Variants in CFAP20DC observed in about 807,000 individuals in gnomAD.
CFAP20DC encodes the protein protein CFAP20DC.
CFAP20DC carries 84 observed loss-of-function variants against 101.7 expected under a neutral mutation model. That is an observed-to-expected ratio of 0.83 (90% CI 0.69 to 0.99). The LOEUF (loss-of-function observed/expected upper bound fraction) is 0.99, where lower values mean the gene tolerates loss of function less well. Among genes scored for constraint, CFAP20DC ranks in the 50% least tolerant of loss-of-function variants. CFAP20DC has a pLI of 0.00. For synonymous variants in CFAP20DC, 359 were observed against 351.2 expected (o/e 1.02, Z -0.25); for missense variants, 1,007 against 970.3 (o/e 1.04, Z -0.50).
intron 5 of CFAP20DC, among the ~76,000 whole-genome samples, chr3:58,916,815 T>C (rs1338918468): frequency 1.3e-5 from 2 of 152,188 alleles, no homozygotes; most frequent in Non-Finnish European, 1.5e-5. Flanking sequence ...AAATAACTCA[T>C]TGTTCATATA....
chr3:58,730,509 C>T (rs1575517428), intron 3 of CFAP20DC, among the ~76,000 whole-genome samples: 1 of 152,222 alleles, frequency 6.6e-6, no homozygotes, highest in East Asian at 1.9e-4. Context: ...GGAGAAAAGG[C>T]ATCGCATTCT....
rs545507282 is a variant in CFAP20DC, at chr3:59,034,981, C to T, written c.278+4576G>A. On this transcript the variant is annotated intron_variant, in intron 4 of 16. Transcript: ENST00000482387. ...TCAGCAAATGCAAAAGAATGGAAAT[C>T]ATAACACAGTCTCTCAGACCACAGT... Among the ~76,000 whole-genome samples, 7 of 152,060 alleles carry T rather than the reference C, an allele frequency of 4.6e-5. No homozygotes were observed. The East Asian group carries it at 1.4e-3, about 29-fold the overall frequency.
At chr3:58,847,909 T>A (rs1390231645) in intron 13 of CFAP20DC, among the ~76,000 whole-genome samples, 3 of 118,376 alleles carry the variant, frequency 2.5e-5, no homozygotes, top group Non-Finnish European at 3.5e-5. Context: ...CAGTAAACTA[T>A]CGCAAGAACA....
chr3:58,742,534 G>C lies in CFAP20DC; in HGVS notation c.2371C>G (p.Leu791Val). The C allele has an allele frequency of 6.2e-7, 1 of 1,608,842 alleles. No homozygotes were observed. Among genetic ancestry groups the C allele is most frequent in the Non-Finnish European group, 8.5e-7 (1 of 1,177,560 alleles). ...AGACAAGGGTCATACAACAAAGTCA[G>C]TACTTCCTCGTCCTCTTCCACACTG... ...DLSVEEDEEV[L>V]TLLYDPCLNC... The change falls in exon 17 of 17, where the codon CTG (leucine) becomes GTG (valine). Residue 791 changes from leucine to valine, a missense_variant. Physicochemically the swap from Leu to Val is conservative, Grantham distance 32. Transcript: ENST00000482387.
intron 7 of CFAP20DC, among the ~76,000 whole-genome samples, chr3:58,880,813 G>A (rs2081177091): frequency 1.3e-5 from 2 of 151,996 alleles, no homozygotes; most frequent in African/African-American, 2.4e-5. Flanking sequence ...TGAAGATAGG[G>A]AAAAAGGATA....
chr3:58,762,740 C>T (rs2069771945), intron 15 of CFAP20DC, among the ~76,000 whole-genome samples: 1 of 152,170 alleles, frequency 6.6e-6, no homozygotes, highest in African/African-American at 2.4e-5. Flanking sequence ...CTGGTGGTGA[C>T]AAAATCTCTC....
chr3:59,042,982 C>T (rs1037046026), intron 3 of CFAP20DC, among the ~76,000 whole-genome samples: 2 of 152,116 alleles, frequency 1.3e-5, no homozygotes, highest in African/African-American at 4.8e-5. Context: ...AGAAATGGGG[C>T]AGCCTGCAGG....
chr3:58,836,608 A>G (rs1302389680), intron 13 of CFAP20DC, among the ~76,000 whole-genome samples: 1 of 152,074 alleles, frequency 6.6e-6, no homozygotes, highest in African/African-American at 2.4e-5. Flanking sequence ...GAAAACTGGG[A>G]TGTTACTTTT....
intron 5 of CFAP20DC, among the ~76,000 whole-genome samples, chr3:58,934,300 A>G (rs2087191852): frequency 6.6e-6 from 1 of 152,224 alleles, no homozygotes; most frequent in Non-Finnish European, 1.5e-5. Flanking sequence ...AACGAAAAAG[A>G]GTCCAGGACC....
At chr3:59,003,983 T>G (rs1057394088) in intron 4 of CFAP20DC, among the ~76,000 whole-genome samples, 2 of 152,208 alleles carry the variant, frequency 1.3e-5, no homozygotes, top group Non-Finnish European at 2.9e-5. Flanking sequence ...CATACCTACT[T>G]TTGGTGCCCT....
chr3:58,763,757 G>C (rs1045339168), intron 15 of CFAP20DC, among the ~76,000 whole-genome samples: 1 of 152,210 alleles, frequency 6.6e-6, no homozygotes, highest in African/African-American at 2.4e-5. Flanking sequence ...CCTTGTAACA[G>C]TCAGGACCCT....
At chr3:59,034,149 C>A (rs537715493) in intron 4 of CFAP20DC, among the ~76,000 whole-genome samples, 130 of 152,162 alleles carry the variant, frequency 8.5e-4, no homozygotes, top group African/African-American at 3.0e-3. Context: ...AAATGCTGAG[C>A]GATTTTGTCA....
chr3:58,800,192 C>T (rs1448754018), intron 15 of CFAP20DC, among the ~76,000 whole-genome samples: 1 of 152,184 alleles, frequency 6.6e-6, no homozygotes, highest in African/African-American at 2.4e-5. Flanking sequence ...GGCCTGTATA[C>T]CACTTGGTTG....
intron 5 of CFAP20DC, among the ~76,000 whole-genome samples, chr3:58,929,216 A>T (rs1464460749): frequency 6.6e-6 from 1 of 152,160 alleles, no homozygotes; most frequent in Non-Finnish European, 1.5e-5. Context: ...TTTATTTTCA[A>T]ATACTGGATT....
At chr3:59,045,180 G>A (rs908881948) in intron 3 of CFAP20DC, among the ~76,000 whole-genome samples, 1 of 151,690 alleles carries the variant, frequency 6.6e-6, no homozygotes, top group African/African-American at 2.4e-5. Flanking sequence ...TAACTTCTAT[G>A]GCTAGTTTAT....
chr3:58,870,873 C>A (rs1234451728), intron 7 of CFAP20DC, among the ~76,000 whole-genome samples: 5 of 105,238 alleles, frequency 4.8e-5, no homozygotes, highest in African/African-American at 1.9e-4. Context: ...CCGGCCTGGG[C>A]GACAGAGCGA....
chr3:58,741,401 T>C (rs1052149282), downstream of CFAP20DC, among the ~76,000 whole-genome samples: 22 of 152,106 alleles, frequency 1.4e-4, no homozygotes, highest in Non-Finnish European at 2.2e-4. Context: ...GGAGTGGTGA[T>C]GAGTGTGTGT....
intron 14 of CFAP20DC, among the ~76,000 whole-genome samples, chr3:58,826,522 T>C (rs562027345): frequency 1.6e-4 from 24 of 152,326 alleles, no homozygotes; most frequent in African/African-American, 5.5e-4. Context: ...GTTCTCACTG[T>C]TCAACTCTCA....
chr3:58,964,547 C>T lies in CFAP20DC; in HGVS notation c.279-26785G>A, dbSNP rs1294500791. Among the ~76,000 whole-genome samples, 1 of 152,200 alleles carries T rather than the reference C, an allele frequency of 6.6e-6. No individual in the cohort carries two copies. Among genetic ancestry groups the T allele is most frequent in the African/African-American group, 2.4e-5 (1 of 41,462 alleles). Reference sequence around the variant, plus strand: ...TTTGGGTTTTAAGCTGGAAACAATGCTCTCGCCTGTGGCTTGTAATCCCCT... The same window carrying T: ...TTTGGGTTTTAAGCTGGAAACAATGTTCTCGCCTGTGGCTTGTAATCCCCT... On this transcript the variant is annotated intron_variant, in intron 4 of 16. Transcript: ENST00000482387. The surrounding 1 kb of genome is among the most constrained non-coding windows in gnomAD (Gnocchi z 4.1).
Sources: gnomAD v4.1 joint callset for allele counts (sites outside exome capture counted in the v4.1 genomes callset) on GRCh38, gnomAD v4.1.1 for gene constraint, Gnocchi (gnomAD v3.1) non-coding constraint, MANE v1.5 for transcripts, NCBI Gene and HGNC (gene_info 2026-07-23, HGNC 2026-07-21) for gene names.